CTNNA2: variants seen among roughly 807,000 people sequenced by gnomAD.
CTNNA2 encodes catenin alpha 2.
CTNNA2 carries 42 observed loss-of-function variants against 101.0 expected under a neutral mutation model. The ratio of observed to expected loss-of-function variants is 0.42; its 90% CI spans 0.32 to 0.54. CTNNA2 has a LOEUF of 0.54. Ranked by LOEUF, CTNNA2 falls within the 20% of genes least tolerant of loss-of-function variation. CTNNA2 has a pLI of 0.14. For synonymous variants in CTNNA2, 450 were observed against 456.4 expected (o/e 0.99, Z 0.18); for missense variants, 871 against 1,223.1 (o/e 0.71, Z 4.29).
chr2:79,859,322 A>G (rs568819665), intron 4 of CTNNA2, among the ~76,000 whole-genome samples: 10 of 152,236 alleles, frequency 6.6e-5, no homozygotes, highest in African/African-American at 1.9e-4. Context: ...GCGTGCTCTC[A>G]CCTCACCATT....
chr2:79,505,070 T>C (rs1005381732), exon 5 of CTNNA2: 1 of 152,230 alleles, frequency 6.6e-6, no homozygotes, highest in Admixed American at 6.5e-5. Context: ...TGGATTTAGA[T>C]GCACTCCTTC....
At chr2:79,619,373 G>A (rs1678851853) in intron 1 of CTNNA2, among the ~76,000 whole-genome samples, 1 of 152,184 alleles carries the variant, frequency 6.6e-6, no homozygotes, top group Non-Finnish European at 1.5e-5. Flanking sequence ...GTCCAAGCTG[G>A]CACCTGCAAT....
At chr2:80,224,484 G>A (rs2165976) in intron 7 of CTNNA2, among the ~76,000 whole-genome samples, 2,212 of 151,936 alleles carry the variant, frequency 0.015, 55 homozygotes, top group African/African-American at 0.051. Context: ...TCGCTCTGTC[G>A]CCCAAGCTGG....
At chr2:79,451,631 T>C (rs1670751226) in intron 4 of CTNNA2, among the ~76,000 whole-genome samples, 1 of 151,980 alleles carries the variant, frequency 6.6e-6, no homozygotes, top group South Asian at 2.1e-4. Flanking sequence ...CCAGCATTCC[T>C]GGGAGAACCA....
intron 4 of CTNNA2, among the ~76,000 whole-genome samples, chr2:79,486,377 A>G (rs1178580563): frequency 6.6e-6 from 1 of 152,026 alleles, no homozygotes; most frequent in African/African-American, 2.4e-5. Context: ...TTCCAGCTTC[A>G]TCCATGTCCC....
chr2:80,488,885 T>TCATACACACGTGCATGCA (rs1686806917), intron 9 of CTNNA2, among the ~76,000 whole-genome samples: 1 of 152,150 alleles, frequency 6.6e-6, no homozygotes, highest in Non-Finnish European at 1.5e-5. Context: ...CATCACTCTC[T>TCATACACACGTGCATGCA]CATACACACG....
intron 7 of CTNNA2, among the ~76,000 whole-genome samples, chr2:80,241,231 T>TTG (rs977763855): frequency 3.9e-5 from 6 of 152,086 alleles, no homozygotes; most frequent in African/African-American, 1.4e-4. Flanking sequence ...CTTTTTTTTT[T>TTG]AATCAGGAGT....
Position 80,590,400 on chromosome 2 carries a change from G to C in CTNNA2, c.2189+915G>C, listed in dbSNP as rs1334701268. Among the ~76,000 whole-genome samples, 3 of 152,078 alleles carry C rather than the reference G, an allele frequency of 2.0e-5. No individual in the cohort carries two copies. In the East Asian group the frequency reaches 5.8e-4, roughly 29 times the overall value. On this transcript the variant is annotated intron_variant, in intron 15 of 18. Transcript: ENST00000402739. The stretch of plus-strand genomic sequence containing the variant: ...AGATAATGCAAGTATAAATTATGCT[G>C]TTATACAGATATAAACTATGGTTTT...
intron 7 of CTNNA2, among the ~76,000 whole-genome samples, chr2:80,160,676 T>G (rs1423069744): frequency 1.3e-5 from 2 of 152,344 alleles, no homozygotes; most frequent in African/African-American, 2.4e-5. Context: ...CTAGGAGTTT[T>G]TGTAGATACC....
chr2:79,246,818 G>A (rs975570926), intron 2 of CTNNA2, among the ~76,000 whole-genome samples: 1 of 152,186 alleles, frequency 6.6e-6, no homozygotes, highest in African/African-American at 2.4e-5. Flanking sequence ...TGATTTCTTT[G>A]GCAACATACT....
chr2:80,323,535 T>G (rs1236660465), intron 7 of CTNNA2, among the ~76,000 whole-genome samples: 1 of 152,180 alleles, frequency 6.6e-6, no homozygotes, highest in Admixed American at 6.5e-5. Flanking sequence ...AAGGTTATGA[T>G]CTCTGCCTCT....
chr2:79,188,006 C>A (rs1553380366), intron 1 of CTNNA2, among the ~76,000 whole-genome samples: 2 of 151,676 alleles, frequency 1.3e-5, no homozygotes, highest in Non-Finnish European at 2.9e-5. Flanking sequence ...GCCCAGTTAA[C>A]AAAAAACAGC....
chr2:79,459,565 T>C (rs1264630017), intron 4 of CTNNA2, among the ~76,000 whole-genome samples: 1 of 152,182 alleles, frequency 6.6e-6, no homozygotes, highest in African/African-American at 2.4e-5. Context: ...AGGAACATTT[T>C]AGGAATGAGA....
At chr2:79,280,930 T>A (rs1675361049) in intron 2 of CTNNA2, among the ~76,000 whole-genome samples, 1 of 152,046 alleles carries the variant, frequency 6.6e-6, no homozygotes, top group African/African-American at 2.4e-5. Flanking sequence ...TGGGATCACT[T>A]TGAAGCTCTG....
chr2:79,814,628 C>T (rs528624369), intron 3 of CTNNA2, among the ~76,000 whole-genome samples: 333 of 145,894 alleles, frequency 2.3e-3, no homozygotes, highest in African/African-American at 8.6e-3. Flanking sequence ...CACACACACA[C>T]ACACACACAC....
chr2:80,347,797 C>G (rs1418062343), intron 7 of CTNNA2, among the ~76,000 whole-genome samples: 1 of 151,832 alleles, frequency 6.6e-6, no homozygotes, highest in Non-Finnish European at 1.5e-5. Context: ...AACAAGATCC[C>G]CAGCTGATTC....
chr2:79,676,000 C>T (rs1683160728), intron 2 of CTNNA2, among the ~76,000 whole-genome samples: 1 of 152,120 alleles, frequency 6.6e-6, no homozygotes, highest in African/African-American at 2.4e-5. Flanking sequence ...TCAGCTGTCT[C>T]ACCCTCAGGG....
intron 7 of CTNNA2, among the ~76,000 whole-genome samples, chr2:79,988,000 C>G (rs1214492185): frequency 6.6e-6 from 1 of 152,196 alleles, no homozygotes; most frequent in Non-Finnish European, 1.5e-5. Context: ...TTGGGACAGA[C>G]TTTCTAAATG....
chr2:79,713,278 G>A (rs1685857715), intron 2 of CTNNA2, among the ~76,000 whole-genome samples: 1 of 151,914 alleles, frequency 6.6e-6, no homozygotes. Context: ...GAATCATTTG[G>A]TCGTTCTAAA....
Sources: gnomAD v4.1 joint callset for allele counts (sites outside exome capture counted in the v4.1 genomes callset) on GRCh38, gnomAD v4.1.1 for gene constraint, MANE v1.5 for transcripts, NCBI Gene and HGNC (gene_info 2026-07-23, HGNC 2026-07-21) for gene names.